JAZF1: variants seen among roughly 807,000 people sequenced by gnomAD.
JAZF1 encodes JAZF zinc finger 1, also known as juxtaposed with another zinc finger protein 1.
In JAZF1, 8 loss-of-function variants were observed where a neutral mutation model predicts 26.4. The ratio of observed to expected loss-of-function variants is 0.30; its 90% CI spans 0.18 to 0.55. The LOEUF is 0.55. Among genes scored for constraint, JAZF1 ranks in the 20% least tolerant of loss-of-function variants. JAZF1 has a pLI of 0.94. For missense variants in JAZF1, 199 were observed against 322.0 expected (o/e 0.62, Z 2.92); for synonymous variants, 126 against 122.3 (o/e 1.03, Z -0.20).
intron 1 of JAZF1, among the ~76,000 whole-genome samples, chr7:28,012,776 T>C (rs1782819203): frequency 6.6e-6 from 1 of 152,238 alleles, no homozygotes; most frequent in Non-Finnish European, 1.5e-5. Flanking sequence ...TGGACATGCA[T>C]TGCAGAAGGA....
chr7:27,910,694 C>T (rs1784346046), intron 2 of JAZF1, among the ~76,000 whole-genome samples: 1 of 152,168 alleles, frequency 6.6e-6, no homozygotes, highest in Non-Finnish European at 1.5e-5. Flanking sequence ...CAGGCAAACC[C>T]TCTTTAAAAC....
At chr7:28,082,929 G>A (rs974228993) in intron 1 of JAZF1, among the ~76,000 whole-genome samples, 8 of 152,210 alleles carry the variant, frequency 5.3e-5, no homozygotes, top group South Asian at 4.1e-4. Flanking sequence ...CCTTCAGTCT[G>A]TGAGAAAGTC....
chr7:28,130,749 G>A (rs561057339), intron 1 of JAZF1, among the ~76,000 whole-genome samples: 193 of 152,276 alleles, frequency 1.3e-3, no homozygotes, highest in African/African-American at 4.5e-3. Flanking sequence ...AGTCTAATTG[G>A]TATTTCTCTC....
intron 1 of JAZF1, among the ~76,000 whole-genome samples, chr7:28,047,336 T>C (rs1783513300): frequency 6.6e-6 from 1 of 152,150 alleles, no homozygotes. Context: ...TTCTCCTGTA[T>C]GAACTTTAGA....
Position 27,831,657 on chromosome 7 carries a change from A to G in JAZF1, c.*1143T>C, listed in dbSNP as rs1782703038. 4.4e-6 allele frequency: 1 copy of G among 225,712 alleles called. No individual in the cohort carries two copies. Among genetic ancestry groups the G allele is most frequent in the Admixed American group, 5.7e-5 (1 of 17,540 alleles). 14.0% of individuals were successfully genotyped at this position (225,712 alleles called of 1,614,324 possible). On this transcript the variant is annotated 3_prime_UTR_variant, in exon 5 of 5. Coordinates refer to ENST00000283928, the MANE Select transcript of JAZF1 (RefSeq NM_175061.4). ...TTATAAAGCTAAACAGACATTTCCA[A>G]TGAGAATGCAGACCTCTCTACAATG...
chr7:28,081,447 C>A (rs1189361458), intron 1 of JAZF1, among the ~76,000 whole-genome samples: 1 of 152,168 alleles, frequency 6.6e-6, no homozygotes, highest in African/African-American at 2.4e-5. Context: ...AAGGTTTGGT[C>A]ATAACCAGCA....
At chr7:27,922,508 C>A (rs1784548814) in intron 2 of JAZF1, among the ~76,000 whole-genome samples, 1 of 152,178 alleles carries the variant, frequency 6.6e-6, no homozygotes, top group African/African-American at 2.4e-5. Flanking sequence ...CTCGGCCTCC[C>A]AAAGTGCTAG....
chr7:27,868,590 A>G (rs988474780), intron 3 of JAZF1, among the ~76,000 whole-genome samples: 1 of 152,118 alleles, frequency 6.6e-6, no homozygotes, highest in Non-Finnish European at 1.5e-5. Flanking sequence ...TGAAGACTGG[A>G]TTCTTCTTTA....
intron 1 of JAZF1, chr7:28,020,450 C>T: frequency 2.6e-6 from 1 of 387,124 alleles, no homozygotes; most frequent in Non-Finnish European, 5.3e-6. Flanking sequence ...AGAGCCAGCG[C>T]CTCCACGGTG....
At chr7:28,003,582 A>G (rs1782643310) in intron 1 of JAZF1, among the ~76,000 whole-genome samples, 1 of 152,204 alleles carries the variant, frequency 6.6e-6, no homozygotes, top group Non-Finnish European at 1.5e-5. Context: ...CCAATACTAC[A>G]TGTAATAACA....
At chr7:27,856,854 C>G (rs138117895) in intron 3 of JAZF1, among the ~76,000 whole-genome samples, 3,830 of 152,306 alleles carry the variant, frequency 0.025, 145 homozygotes, top group African/African-American at 0.087. Flanking sequence ...TTCACAAACC[C>G]TGAGCTAGAC....
At chr7:28,132,075 T>C (rs1782803610) in intron 1 of JAZF1, among the ~76,000 whole-genome samples, 5 of 152,234 alleles carry the variant, frequency 3.3e-5, no homozygotes, top group Non-Finnish European at 5.9e-5. Flanking sequence ...TGGAATTCCA[T>C]GGAGAATATC....
chr7:28,010,185 T>C (rs1399889474), intron 1 of JAZF1, among the ~76,000 whole-genome samples: 1 of 152,212 alleles, frequency 6.6e-6, no homozygotes, highest in Non-Finnish European at 1.5e-5. Context: ...ACAGTCTCTC[T>C]TGCCTTTGGT....
intron 1 of JAZF1, among the ~76,000 whole-genome samples, chr7:28,110,521 A>AAAACG (rs1784635673): frequency 1.7e-5 from 1 of 60,228 alleles, no homozygotes; most frequent in African/African-American, 5.7e-5. Context: ...AAGGAAAAGG[A>AAAACG]AAAGGAAAAG....
Position 27,876,781 on chromosome 7 carries a change from T to C in JAZF1, c.385+18439A>G, listed in dbSNP as rs148541987. On this transcript the variant is annotated intron_variant, in intron 3 of 4. Transcript: ENST00000283928. ...AATAAAGCAGAAATCATGAGCTGAGTGTCCTTCCTCAGAGGATGGAACTGG... is the reference window on the plus strand; with the variant it reads ...AATAAAGCAGAAATCATGAGCTGAGCGTCCTTCCTCAGAGGATGGAACTGG... 3.4e-3 allele frequency among the ~76,000 whole-genome samples: 521 copies of C among 152,262 alleles called. 1 individual carries two copies. Among genetic ancestry groups the C allele is most frequent in the African/African-American group, 0.012 (503 of 41,556 alleles).
intron 3 of JAZF1, among the ~76,000 whole-genome samples, chr7:27,849,752 G>GAC (rs72394231): frequency 1.8e-3 from 192 of 108,466 alleles, no homozygotes; most frequent in Admixed American, 6.7e-3. Flanking sequence ...CTTACACACA[G>GAC]ACACACACAC....
chr7:28,090,035 A>G (rs1330902324), intron 1 of JAZF1, among the ~76,000 whole-genome samples: 1 of 152,256 alleles, frequency 6.6e-6, no homozygotes, highest in African/African-American at 2.4e-5. Context: ...CACAGGTACC[A>G]TCAAATCCAG....
intron 1 of JAZF1, among the ~76,000 whole-genome samples, chr7:28,125,470 G>A (rs1220958334): frequency 6.6e-6 from 1 of 152,190 alleles, no homozygotes; most frequent in Non-Finnish European, 1.5e-5. Context: ...TTATTAATTG[G>A]TTTCCTAGCA....
At position 27,844,703 on chromosome 7, in the gene JAZF1, A is replaced by C. The variant is rs564633211; in HGVS notation, c.386-3836T>G. On this transcript the variant is annotated intron_variant, in intron 3 of 4. Transcript: ENST00000283928. Reference sequence around the variant, plus strand: ...TCTTAATACAGGAATAGTTTTAATAAATTTTTTATAAGTAGGTACAAAGAA... The same window carrying C: ...TCTTAATACAGGAATAGTTTTAATACATTTTTTATAAGTAGGTACAAAGAA... The C allele has an allele frequency of 1.2e-4, 19 of 152,342 alleles. No homozygotes were observed. In the East Asian group the frequency reaches 3.5e-3, roughly 28 times the overall value. The allele number at this position is 152,342 out of a possible 1,614,324, so 9.4% of individuals were successfully genotyped here.
Sources: gnomAD v4.1 joint callset for allele counts (sites outside exome capture counted in the v4.1 genomes callset) on GRCh38, gnomAD v4.1.1 for gene constraint, MANE v1.5 for transcripts, NCBI Gene and HGNC (gene_info 2026-07-23, HGNC 2026-07-21) for gene names.